The following ARHGAP1 variants were observed in gnomAD, a reference collection of about 807,000 sequenced individuals.
The protein encoded by ARHGAP1 is Rho GTPase activating protein 1.
A neutral mutation model predicts 52.2 loss-of-function variants in ARHGAP1; 23 were observed. The observed-to-expected ratio is 0.44, with a 90% CI of 0.32 to 0.62. ARHGAP1 has a LOEUF of 0.62. Among genes scored for constraint, ARHGAP1 ranks in the 20% least tolerant of loss-of-function variants. ARHGAP1 has a pLI of 0.05. For missense variants in ARHGAP1, 480 were observed against 560.9 expected, an observed-to-expected ratio of 0.86 and a Z score of 1.46; for synonymous variants, 210 against 228.4, an observed-to-expected ratio of 0.92 and a Z score of 0.73.
At chr11:46,693,327 C>A (rs139278922) in intron 3 of ARHGAP1, among the ~76,000 whole-genome samples, 214 of 151,936 alleles carry the variant, frequency 1.4e-3, no homozygotes, top group African/African-American at 4.9e-3. Context: ...TCAAAGAGAT[C>A]CCCCCTATCC....
rs1246963704 is a variant in ARHGAP1 at position 46,677,189 on chromosome 11, A to G, written c.*1848T>C. 1 of 152,614 alleles carries G rather than the reference A, an allele frequency of 6.6e-6. No individual in the cohort carries two copies. Among genetic ancestry groups the G allele is most frequent in the Admixed American group, 6.5e-5 (1 of 15,284 alleles). The allele number at this position is 152,614 out of a possible 1,614,324, so 9.5% of individuals were successfully genotyped here. Reference sequence around the variant, plus strand: ...TGTGAACACTGGATTCACACAGTACAAGCACCCGCTCCCTGGGGTACAGAC... The same window carrying G: ...TGTGAACACTGGATTCACACAGTACGAGCACCCGCTCCCTGGGGTACAGAC... On this transcript the variant is annotated 3_prime_UTR_variant, in exon 13 of 13. Transcript: ENST00000311956.
chr11:46,691,333 G>A (rs2064613710), intron 3 of ARHGAP1, among the ~76,000 whole-genome samples: 1 of 151,948 alleles, frequency 6.6e-6, no homozygotes, highest in Non-Finnish European at 1.5e-5. Context: ...CATCCAGGCT[G>A]GAGTGCTGTG....
At chr11:46,687,468 A>G (rs2064579932) in intron 4 of ARHGAP1, 1 of 152,294 alleles carries the variant, frequency 6.6e-6, no homozygotes, top group South Asian at 2.1e-4. Context: ...TACATTTCAG[A>G]GAGTGCTTCA....
Position 46,680,268 on chromosome 11 carries a change from C to A in ARHGAP1, c.835G>T (p.Gly279Cys). The A allele has an allele frequency of 6.2e-7, 1 of 1,614,166 alleles. No homozygotes were observed. Among genetic ancestry groups the A allele is most frequent in the Non-Finnish European group, 8.5e-7 (1 of 1,180,038 alleles). ...GTGTTGGCCGACCTCCGGAAGATGC[C>A]CTCGGTGGTGAGAGCTGGGAAACAG... ...YLQAHALTTE[G>C]IFRRSANTQV... The change falls in exon 10 of 13, where the codon GGC becomes TGC. Residue 279 changes from glycine to cysteine, a missense_variant. Gly to Cys is a radical substitution (Grantham distance 159, BLOSUM62 -3). Coordinates refer to ENST00000311956, the MANE Select transcript of ARHGAP1 (RefSeq NM_004308.5). This position sits in a 1 kb window ranked among gnomAD's most constrained non-coding sequence, Gnocchi z 5.9.
At position 46,699,427 on chromosome 11, in the gene ARHGAP1, G is replaced by C. The variant is rs147781281; in HGVS notation, c.-50+1124C>G. On this transcript the variant is annotated intron_variant, in intron 1 of 12. Coordinates refer to ENST00000311956, the MANE Select transcript of ARHGAP1 (RefSeq NM_004308.5). ...ACAGTGAGGAAAGAGAGGACCAGCCGGGCACGGTGGTTCACGGCTGTAATC... is the reference window on the plus strand; with the variant it reads ...ACAGTGAGGAAAGAGAGGACCAGCCCGGCACGGTGGTTCACGGCTGTAATC... Among the ~76,000 whole-genome samples, 952 of 152,242 alleles carry C rather than the reference G, an allele frequency of 6.3e-3. 12 individuals are homozygous for C. Among genetic ancestry groups the C allele is most frequent in the African/African-American group, 0.022 (909 of 41,548 alleles).
At chr11:46,692,875 C>T (rs1490718372) in intron 3 of ARHGAP1, among the ~76,000 whole-genome samples, 3 of 144,664 alleles carry the variant, frequency 2.1e-5, no homozygotes, top group Non-Finnish European at 3.0e-5. Flanking sequence ...TTTTTTGAGA[C>T]GGCGTCTCGC....
At chr11:46,695,867 C>G in intron 2 of ARHGAP1, 108 bp downstream of exon 2, 1 of 1,598,238 alleles carries the variant, frequency 6.3e-7, no homozygotes, top group South Asian at 1.1e-5. Flanking sequence ...CCAGCCCAAA[C>G]CTGGGACTGG....
chr11:46,696,219 A>G lies in ARHGAP1; in HGVS notation c.-49-63T>C, dbSNP rs1592393456. ...GCTCTTTTCACCTTCTGCGACCTCC[A>G]CCGCGTGCCCTCCTGCCCCCACCAT... On this transcript the variant is annotated intron_variant, in intron 1 of 12. Transcript: ENST00000311956. This position sits in a 1 kb window ranked among gnomAD's most constrained non-coding sequence, Gnocchi z 4.8. 1.7e-6 allele frequency: 2 copies of G among 1,207,570 alleles called. No homozygotes were observed. The highest frequency in any genetic ancestry group is 5.1e-5 in the East Asian group (2 of 38,904). 74.8% of individuals were successfully genotyped at this position (1,207,570 alleles called of 1,614,324 possible).
rs1332269630 is a variant in ARHGAP1, at chr11:46,680,115, C to CT, written c.898+89dup. On this transcript the variant is annotated intron_variant, in intron 10 of 12. Transcript: ENST00000311956. The surrounding 1 kb of genome is among the most constrained non-coding windows in gnomAD (Gnocchi z 5.9). ...CGGAAACCTCCAGCAGGAAGAGACT[C>CT]TGAGACTCTCATTTACAGGGCAGCA... is the stretch of plus-strand genomic sequence containing the variant. 1.4e-6 allele frequency: 2 copies of CT among 1,437,992 alleles called. No individual in the cohort carries two copies. Among genetic ancestry groups the CT allele is most frequent in the Admixed American group, 3.4e-5 (2 of 59,626 alleles). The allele number at this position is 1,437,992 out of a possible 1,614,324, so 89.1% of individuals were successfully genotyped here.
In ARHGAP1 at chr11:46,681,789, T is replaced by G. The variant is rs2064530811; in HGVS notation, c.449+262A>C. On this transcript the variant is annotated intron_variant, in intron 5 of 12. Transcript: ENST00000311956. The surrounding 1 kb of genome is among the most constrained non-coding windows in gnomAD (Gnocchi z 5.7). ...TGGCCAGCATGCGAGGTAAGGGCCA[T>G]CACTGTCTCATTTTACAGATTAGAA... Among the ~76,000 whole-genome samples the G allele has an allele frequency of 6.6e-6, 1 of 152,222 alleles. No individual in the cohort carries two copies. Among genetic ancestry groups the G allele is most frequent in the Non-Finnish European group, 1.5e-5 (1 of 68,040 alleles).
chr11:46,688,356 A>G, intron 3 of ARHGAP1, 96 bp from the exon 4 acceptor site: 2 of 1,242,110 alleles, frequency 1.6e-6, no homozygotes. Flanking sequence ...GATCTGAGCC[A>G]GTTACCACAG....
chr11:46,700,535 G>T lies in ARHGAP1; in HGVS notation c.-50+16C>A. 1 of 168,384 alleles carries T rather than the reference G, an allele frequency of 5.9e-6. No individual in the cohort carries two copies. Among genetic ancestry groups the T allele is most frequent in the Non-Finnish European group, 1.3e-5 (1 of 77,336 alleles). The allele number at this position is 168,384 out of a possible 1,614,324, so 10.4% of individuals were successfully genotyped here. On this transcript the variant is annotated intron_variant, in intron 1 of 12. Transcript: ENST00000311956. ...CCCCATCCCCACCCGGGGAGACCCCGCGCCCAGCAGCTCACCGCGCTCGGG... is the reference window on the plus strand; with the variant it reads ...CCCCATCCCCACCCGGGGAGACCCCTCGCCCAGCAGCTCACCGCGCTCGGG...
At chr11:46,682,277 G>T in intron 4 of ARHGAP1, 95 bp from the exon 5 acceptor site, 1 of 1,521,598 alleles carries the variant, frequency 6.6e-7, no homozygotes, top group Non-Finnish European at 9.0e-7. Context: ...CCACGTCACA[G>T]CCCCTTCCCC....
intron 1 of ARHGAP1, among the ~76,000 whole-genome samples, chr11:46,699,443 G>A (rs1358755961): frequency 6.6e-6 from 1 of 152,126 alleles, no homozygotes; most frequent in African/African-American, 2.4e-5. Flanking sequence ...GGTGGTTCAC[G>A]GCTGTAATCC....
intron 3 of ARHGAP1, among the ~76,000 whole-genome samples, chr11:46,691,514 C>T (rs1281827176): frequency 2.0e-5 from 3 of 148,720 alleles, no homozygotes; most frequent in East Asian, 4.0e-4. Flanking sequence ...TGCAATGGCG[C>T]GATCTCGGCT....
Position 46,678,858 on chromosome 11 carries a change from G to T in ARHGAP1, c.*179C>A, listed in dbSNP as rs1424022399. 2.4e-5 allele frequency: 16 copies of T among 678,470 alleles called. No individual in the cohort carries two copies. Among genetic ancestry groups the T allele is most frequent in the Non-Finnish European group, 3.2e-5 (13 of 408,100 alleles). The allele number at this position is 678,470 out of a possible 1,614,324, so 42.0% of individuals were successfully genotyped here. ...TGAGAAGTGTAAGGCAGAGAAAAAC[G>T]TCTTCTGGTAACAGCGAGGCCGCCA... On this transcript the variant is annotated 3_prime_UTR_variant, in exon 13 of 13. Coordinates refer to ENST00000311956, the MANE Select transcript of ARHGAP1 (RefSeq NM_004308.5).
rs900005377 is a variant in ARHGAP1, at chr11:46,679,483, G to A, written c.1028-15C>T. 6.2e-7 allele frequency: 1 copy of A among 1,613,020 alleles called. No individual in the cohort carries two copies. Among genetic ancestry groups the A allele is most frequent in the East Asian group, 2.2e-5 (1 of 44,868 alleles). ...TTCATCAATGTCTATGAGGAAAGGA[G>A]GCCCGGGTTATAGGGGCCCTAGGCT... On this transcript the variant is annotated splice_polypyrimidine_tract_variant and intron_variant, in intron 11 of 12. Transcript: ENST00000311956. The surrounding 1 kb of genome is among the most constrained non-coding windows in gnomAD (Gnocchi z 4.4).
At chr11:46,688,065 G>A in intron 4 of ARHGAP1, 108 bp downstream of exon 4, 1 of 1,061,550 alleles carries the variant, frequency 9.4e-7, no homozygotes, top group Non-Finnish European at 1.4e-6. Context: ...AAGGCATTAA[G>A]GCAGGTGGCC....
In ARHGAP1 at chr11:46,681,283, G is replaced by A. The variant is rs111906876; in HGVS notation, c.536+10C>T. 596 of 1,608,220 alleles carry A rather than the reference G, an allele frequency of 3.7e-4. 6 individuals are homozygous for A. The highest frequency in any genetic ancestry group is 6.6e-5 in the Non-Finnish European group (77 of 1,174,688). On this transcript the variant is annotated intron_variant, in intron 6 of 12. Transcript: ENST00000311956. The surrounding 1 kb of genome is among the most constrained non-coding windows in gnomAD (Gnocchi z 5.7). The stretch of plus-strand genomic sequence containing the variant: ...AGCCGGGACCACCAGCCCTGCCCGT[G>A]GCCACTCACCTGATGAGGGGCTTGA...
Sources: gnomAD v4.1 joint callset for allele counts (sites outside exome capture counted in the v4.1 genomes callset) on GRCh38, gnomAD v4.1.1 for gene constraint, Gnocchi (gnomAD v3.1) non-coding constraint, MANE v1.5 for transcripts, NCBI Gene and HGNC (gene_info 2026-07-23, HGNC 2026-07-21) for gene names.